The following WWOX variants were observed in gnomAD, a reference collection of about 807,000 sequenced individuals.
WWOX encodes the protein WW domain-containing oxidoreductase.
In WWOX, 69 loss-of-function variants were observed where a neutral mutation model predicts 46.2. That is an observed-to-expected ratio of 1.49 (90% CI 1.23 to 1.82). The LOEUF (loss-of-function observed/expected upper bound fraction) is 1.82. Ranked by LOEUF, WWOX falls within the 40% of genes most tolerant of loss-of-function variation. WWOX has a pLI of 0.00. For synonymous variants in WWOX, 359 were observed against 202.6 expected, an observed-to-expected ratio of 1.77 and a Z score of -6.56; for missense variants, 919 against 542.6, an observed-to-expected ratio of 1.69 and a Z score of -6.89.
intron 8 of WWOX, among the ~76,000 whole-genome samples, chr16:78,601,345 C>G (rs1222182648): frequency 3.3e-5 from 5 of 151,820 alleles, no homozygotes; most frequent in South Asian, 4.2e-4. Flanking sequence ...GAGAGACACT[C>G]AGGCTTAGCT....
At chr16:78,185,027 T>A (rs1327439104) in intron 5 of WWOX, among the ~76,000 whole-genome samples, 1 of 152,184 alleles carries the variant, frequency 6.6e-6, no homozygotes, top group Non-Finnish European at 1.5e-5. Context: ...CTGGATGTTG[T>A]GACAGAGGAA....
At chr16:78,970,821 A>C (rs1017977390) in intron 8 of WWOX, among the ~76,000 whole-genome samples, 1 of 152,140 alleles carries the variant, frequency 6.6e-6, no homozygotes, top group East Asian at 1.9e-4. Flanking sequence ...ATGTTGGTTC[A>C]TGTACCAGGA....
intron 6 of WWOX, among the ~76,000 whole-genome samples, chr16:78,422,722 T>C (rs1189988039): frequency 1.5e-3 from 129 of 87,268 alleles, no homozygotes; most frequent in Admixed American, 2.0e-3. Context: ...CACACACACA[T>C]ATATATATAC....
In WWOX at chr16:79,190,150, G is replaced by A. The variant is rs112363717; in HGVS notation, c.1057-21458G>A. 1.8e-3 allele frequency among the ~76,000 whole-genome samples: 267 copies of A among 151,972 alleles called. 1 individual carries two copies. Among genetic ancestry groups the A allele is most frequent in the Non-Finnish European group, 2.6e-3 (176 of 67,968 alleles). On this transcript the variant is annotated intron_variant, in intron 8 of 8. Transcript: ENST00000566780. The stretch of plus-strand genomic sequence containing the variant: ...AGCAATTCTTCTGCCTCAGCCTCCC[G>A]AGTAGCTGGGATTTTAGGTGTGCAA...
At chr16:78,367,988 C>G (rs1459824460) in intron 5 of WWOX, among the ~76,000 whole-genome samples, 1 of 152,022 alleles carries the variant, frequency 6.6e-6, no homozygotes, top group East Asian at 1.9e-4. Context: ...AACTCCTGAT[C>G]TTAGGTGATC....
Position 78,338,184 on chromosome 16 carries a change from AAATT to A in WWOX, c.517-48671_517-48668del, listed in dbSNP as rs1244415923. Among the ~76,000 whole-genome samples, 2 of 121,190 alleles carry A rather than the reference AAATT, an allele frequency of 1.7e-5. 1 individual carries two copies. Among genetic ancestry groups the A allele is most frequent in the Non-Finnish European group, 3.9e-5 (2 of 50,728 alleles). The allele number at this position is 121,190 out of a possible 152,430, so 79.5% of individuals were successfully genotyped here. ...ATCACATGGAAACAAACTTTTAAAA[AAATT>A]AATTTTGTGAATTAAATAAAGCAGC... On this transcript the variant is annotated intron_variant, in intron 5 of 8. Coordinates refer to ENST00000566780, the MANE Select transcript of WWOX (RefSeq NM_016373.4).
At chr16:78,902,631 G>C (rs1249371449) in intron 8 of WWOX, among the ~76,000 whole-genome samples, 1 of 152,188 alleles carries the variant, frequency 6.6e-6, no homozygotes, top group Non-Finnish European at 1.5e-5. Context: ...TGGCTGCAAC[G>C]CTTTTACCAT....
chr16:79,123,385 G>C (rs564074275), intron 8 of WWOX, among the ~76,000 whole-genome samples: 2 of 152,104 alleles, frequency 1.3e-5, no homozygotes, highest in African/African-American at 2.4e-5. Flanking sequence ...AGATACATTC[G>C]TAACTCCCCA....
chr16:78,896,803 A>G (rs538166868), intron 8 of WWOX: 174 of 152,258 alleles, frequency 1.1e-3, no homozygotes, highest in African/African-American at 4.1e-3. Flanking sequence ...ATACATATAC[A>G]TATATTATTG....
At chr16:78,971,941 C>T (rs991315734) in intron 8 of WWOX, among the ~76,000 whole-genome samples, 9 of 152,176 alleles carry the variant, frequency 5.9e-5, no homozygotes, top group South Asian at 2.1e-4. Flanking sequence ...CATCGGGAGC[C>T]TCAGGCGCAC....
intron 5 of WWOX, among the ~76,000 whole-genome samples, chr16:78,174,821 C>G (rs2035279398): frequency 1.3e-5 from 2 of 152,022 alleles, no homozygotes; most frequent in East Asian, 1.9e-4. Context: ...AACCCCGTCT[C>G]TACTGAAAAT....
intron 8 of WWOX, among the ~76,000 whole-genome samples, chr16:78,452,721 C>T (rs926118791): frequency 6.6e-6 from 1 of 151,666 alleles, no homozygotes; most frequent in African/African-American, 2.4e-5. Flanking sequence ...ATGTGATCGG[C>T]CTGCCTTGGC....
chr16:78,981,159 A>G (rs67870811), intron 8 of WWOX, among the ~76,000 whole-genome samples: 4,779 of 152,276 alleles, frequency 0.031, 122 homozygotes, highest in Non-Finnish European at 0.051. Flanking sequence ...GTACTGCAGC[A>G]CTTTCCTAAA....
At chr16:78,262,094 T>C (rs927638816) in intron 5 of WWOX, among the ~76,000 whole-genome samples, 10 of 23,842 alleles carry the variant, frequency 4.2e-4, no homozygotes, top group African/African-American at 2.8e-3. Context: ...AATGAAACTC[T>C]GTCAAAAAAA....
chr16:78,584,611 G>C (rs1480943225), intron 8 of WWOX, among the ~76,000 whole-genome samples: 1 of 152,202 alleles, frequency 6.6e-6, no homozygotes, highest in Non-Finnish European at 1.5e-5. Context: ...AGTGAAAGAA[G>C]ACAGACTGTT....
intron 8 of WWOX, among the ~76,000 whole-genome samples, chr16:78,666,012 C>T (rs1010122071): frequency 4.0e-5 from 6 of 151,818 alleles, no homozygotes; most frequent in African/African-American, 1.4e-4. Flanking sequence ...GGGCCAGGCA[C>T]AGTGGCTCAT....
intron 1 of WWOX, among the ~76,000 whole-genome samples, chr16:78,107,560 C>T (rs1276695883): frequency 2.0e-5 from 3 of 152,268 alleles, no homozygotes; most frequent in South Asian, 4.1e-4. Flanking sequence ...ACCAAAGGTG[C>T]ACAGCGCACA....
intron 8 of WWOX, among the ~76,000 whole-genome samples, chr16:78,786,493 T>C (rs1009539744): frequency 4.6e-5 from 7 of 152,240 alleles, no homozygotes; most frequent in Non-Finnish European, 1.0e-4. Flanking sequence ...TTAGTACTTT[T>C]TAGTATGATT....
At chr16:79,035,762 C>T (rs921156993) in intron 8 of WWOX, among the ~76,000 whole-genome samples, 31 of 151,560 alleles carry the variant, frequency 2.0e-4, no homozygotes, top group African/African-American at 6.5e-4. Flanking sequence ...TGGTGTCAAA[C>T]TCCTGATCTC....
Sources: allele counts gnomAD v4.1 joint callset (sites outside exome capture counted in the v4.1 genomes callset), GRCh38; gene constraint gnomAD v4.1.1; transcripts MANE v1.5; gene names NCBI Gene and HGNC (gene_info 2026-07-23, HGNC 2026-07-21).